MCCC1: variants seen among roughly 807,000 people sequenced by gnomAD.
MCCC1 encodes methylcrotonoyl-CoA carboxylase subunit alpha, mitochondrial.
MCCC1 carries 64 observed loss-of-function variants against 83.8 expected under a neutral mutation model. The ratio of observed to expected loss-of-function variants is 0.76; its 90% CI spans 0.62 to 0.94. The LOEUF is 0.94. Among genes scored for constraint, MCCC1 ranks in the 40% least tolerant of loss-of-function variants. The pLI is 0.00. For missense variants in MCCC1, 807 were observed against 904.7 expected, an observed-to-expected ratio of 0.89 and a Z score of 1.39; for synonymous variants, 322 against 315.4, an observed-to-expected ratio of 1.02 and a Z score of -0.22.
intron 7 of MCCC1, among the ~76,000 whole-genome samples, chr3:183,063,209 C>G (rs1241525005): frequency 2.0e-5 from 3 of 151,666 alleles, no homozygotes; most frequent in Non-Finnish European, 4.4e-5. Flanking sequence ...GTCTTGATCT[C>G]CTGACCTCGT....
chr3:183,091,105 G>A (rs940312525), intron 3 of MCCC1: 1 of 451,082 alleles, frequency 2.2e-6, no homozygotes, highest in Non-Finnish European at 4.5e-6. Flanking sequence ...TCATTGCACA[G>A]AGTGAGAAAA....
intron 4 of MCCC1, among the ~76,000 whole-genome samples, chr3:183,079,142 CT>C (rs1717302683): frequency 6.6e-6 from 1 of 152,192 alleles, no homozygotes; most frequent in African/African-American, 2.4e-5. Flanking sequence ...CTCATCCCTC[CT>C]AAATCTCATG....
chr3:183,015,747 C>T (rs1711558723), intron 18 of MCCC1, among the ~76,000 whole-genome samples, 181 bp from the exon 19 acceptor site: 1 of 152,066 alleles, frequency 6.6e-6, no homozygotes, highest in African/African-American at 2.4e-5. Context: ...TCACAGCACA[C>T]AGGGAGAACA....
In MCCC1 at chr3:183,052,253, T is replaced by A. The variant is rs771628089; in HGVS notation, c.874-13A>T. On this transcript the variant is annotated splice_polypyrimidine_tract_variant and intron_variant, in intron 8 of 18. Coordinates refer to ENST00000265594, the MANE Select transcript of MCCC1 (RefSeq NM_020166.5). ...ATTTAATACCAGGCTATGAAAAAAA[T>A]ATGTAAATAAATCTCCATTAGTAGC... is the stretch of plus-strand genomic sequence containing the variant. The A allele has an allele frequency of 8.7e-6, 14 of 1,610,874 alleles. No homozygotes were observed. In the South Asian group the frequency reaches 1.5e-4, roughly 18 times the overall value.
chr3:183,104,754 C>G (rs1007362591), intron 1 of MCCC1, among the ~76,000 whole-genome samples: 8 of 152,144 alleles, frequency 5.3e-5, no homozygotes, highest in Non-Finnish European at 1.0e-4. Context: ...TAATAATACA[C>G]CATACTTCAC....
chr3:183,101,124 T>A (rs981936643), upstream of MCCC1, among the ~76,000 whole-genome samples: 2 of 152,258 alleles, frequency 1.3e-5, no homozygotes, highest in African/African-American at 4.8e-5. Context: ...GGGCCTTGGC[T>A]GCCTTCCCAC....
At chr3:183,051,660 C>G (rs1202381439) in intron 9 of MCCC1, among the ~76,000 whole-genome samples, 1 of 151,826 alleles carries the variant, frequency 6.6e-6, no homozygotes, top group Non-Finnish European at 1.5e-5. Context: ...CTAATGTAAA[C>G]TATGGACTTG....
intron 13 of MCCC1, among the ~76,000 whole-genome samples, chr3:183,035,504 A>ATTT (rs34764997): frequency 2.9e-4 from 41 of 140,426 alleles, no homozygotes; most frequent in African/African-American, 1.1e-3. Flanking sequence ...TGAATTTCAG[A>ATTT]TTTTTTTTTT....
At chr3:183,089,467 A>G (rs1304001845) in intron 3 of MCCC1, among the ~76,000 whole-genome samples, 1 of 152,174 alleles carries the variant, frequency 6.6e-6, no homozygotes, top group Admixed American at 6.5e-5. Flanking sequence ...TTTAAAAATT[A>G]GCCGGCTATG....
chr3:183,113,900 C>T (rs11716740), intron 1 of MCCC1, among the ~76,000 whole-genome samples: 16,774 of 151,888 alleles, frequency 0.11, 1,070 homozygotes, highest in East Asian at 0.17. Flanking sequence ...AAGTGCAGAG[C>T]GGGTGGGGAG....
rs528861529 is a variant in MCCC1, at chr3:183,071,136, T to C, written c.640-16A>G. The C allele has an allele frequency of 5.6e-6, 9 of 1,614,192 alleles. No individual in the cohort carries two copies. In the East Asian group the frequency reaches 2.0e-4, roughly 36 times the overall value. ...TCCTCATTCCCTAAGAGAGAAAAGA[T>C]GATTATGACTACAACATAAATAAAA... On this transcript the variant is annotated splice_polypyrimidine_tract_variant and intron_variant, in intron 6 of 18. Transcript: ENST00000265594.
chr3:183,045,344 T>C (rs1270435082), intron 10 of MCCC1, 69 bp downstream of exon 10: 8 of 1,592,128 alleles, frequency 5.0e-6, no homozygotes, highest in South Asian at 1.1e-5. Flanking sequence ...CCTGCCAAAG[T>C]GCTGGGACTA....
At chr3:183,101,028 A>G (rs966066703), upstream of MCCC1, among the ~76,000 whole-genome samples, 14 of 152,144 alleles carry the variant, frequency 9.2e-5, no homozygotes, top group Non-Finnish European at 2.1e-4. Flanking sequence ...GCAATGGGGG[A>G]CTTAGCACCC....
intron 14 of MCCC1, among the ~76,000 whole-genome samples, chr3:183,028,677 T>C (rs1381765832): frequency 6.6e-6 from 1 of 152,196 alleles, no homozygotes; most frequent in Non-Finnish European, 1.5e-5. Flanking sequence ...GCAGATGTGG[T>C]AGAAATAGTA....
intron 4 of MCCC1, among the ~76,000 whole-genome samples, chr3:183,080,842 A>T (rs1309875996): frequency 6.6e-6 from 1 of 152,246 alleles, no homozygotes; most frequent in Non-Finnish European, 1.5e-5. Flanking sequence ...GGCGGCAGGC[A>T]AAGAGAGAGC....
intron 4 of MCCC1, among the ~76,000 whole-genome samples, chr3:183,083,943 C>G (rs975599477): frequency 6.6e-6 from 1 of 152,250 alleles, no homozygotes; most frequent in Non-Finnish European, 1.5e-5. Flanking sequence ...AGTCAGAATA[C>G]TCTTGTTTAA....
Position 183,070,286 on chromosome 3 carries a change from GA to G in MCCC1, c.761+712del, listed in dbSNP as rs528329141. On this transcript the variant is annotated intron_variant, in intron 7 of 18. Coordinates refer to ENST00000265594, the MANE Select transcript of MCCC1 (RefSeq NM_020166.5). ...TTTATTACAATAATTTGCTAATATT[GA>G]AAAAAAACCCTAAATTTCATCAACA... 2.4e-4 allele frequency among the ~76,000 whole-genome samples: 36 copies of G among 151,374 alleles called. No individual in the cohort carries two copies. The South Asian group carries it at 4.0e-3, about 17-fold the overall frequency.
intron 1 of MCCC1, among the ~76,000 whole-genome samples, chr3:183,112,426 A>G (rs1566707): frequency 0.8 from 120,927 of 152,072 alleles, 48,278 homozygotes; most frequent in South Asian, 0.82. Flanking sequence ...AGTGGCTCCT[A>G]CCATCACAGC....
chr3:183,023,276 T>C (rs1489649023), intron 15 of MCCC1, among the ~76,000 whole-genome samples: 2 of 152,342 alleles, frequency 1.3e-5, no homozygotes, highest in East Asian at 1.9e-4. Context: ...CACATGGCTA[T>C]TCTTTTCAAA....
Sources: gnomAD v4.1 joint callset for allele counts (sites outside exome capture counted in the v4.1 genomes callset) on GRCh38, gnomAD v4.1.1 for gene constraint, MANE v1.5 for transcripts, NCBI Gene and HGNC (gene_info 2026-07-23, HGNC 2026-07-21) for gene names.